Variants in SHISA6 observed in about 807,000 individuals in gnomAD.
SHISA6 encodes the protein protein shisa-6.
In SHISA6, 22 loss-of-function variants were observed where a neutral mutation model predicts 47.9. That is an observed-to-expected ratio of 0.46 (90% CI 0.33 to 0.66). The LOEUF (loss-of-function observed/expected upper bound fraction) is 0.66. Among genes scored for constraint, SHISA6 ranks in the 30% least tolerant of loss-of-function variants. SHISA6 has a pLI of 0.02. For missense variants in SHISA6, 680 were observed against 764.6 expected (o/e 0.89, Z 1.30); for synonymous variants, 388 against 337.8 (o/e 1.15, Z -1.63).
At chr17:11,462,174 C>G (rs1308497749) in intron 3 of SHISA6, among the ~76,000 whole-genome samples, 1 of 152,270 alleles carries the variant, frequency 6.6e-6, no homozygotes, top group Non-Finnish European at 1.5e-5. Flanking sequence ...CTTTCCCTCC[C>G]CCTCTTGCTT....
chr17:11,339,865 T>C (rs1053324448), intron 2 of SHISA6, among the ~76,000 whole-genome samples: 19 of 152,014 alleles, frequency 1.2e-4, no homozygotes, highest in Non-Finnish European at 2.6e-4. Context: ...GTGAAGGAAG[T>C]AGAGAAAGAC....
intron 2 of SHISA6, among the ~76,000 whole-genome samples, chr17:11,373,993 G>C (rs73299345): frequency 0.078 from 11,820 of 152,178 alleles, 992 homozygotes; most frequent in African/African-American, 0.2. Flanking sequence ...CTTTTCAAAG[G>C]AGTTGAACCG....
intron 1 of SHISA6, among the ~76,000 whole-genome samples, chr17:11,251,532 G>A (rs531203456): frequency 1.3e-5 from 2 of 152,028 alleles, no homozygotes; most frequent in African/African-American, 2.4e-5. Context: ...GAAAAGAGGC[G>A]ATTTGGGAGG....
chr17:11,446,303 G>A (rs1915234267), intron 3 of SHISA6, among the ~76,000 whole-genome samples: 1 of 152,134 alleles, frequency 6.6e-6, no homozygotes, highest in South Asian at 2.1e-4. Flanking sequence ...CTCTACATGT[G>A]ATCAAAATGC....
intron 2 of SHISA6, among the ~76,000 whole-genome samples, chr17:11,300,659 T>C (rs1297190983): frequency 6.6e-6 from 1 of 151,832 alleles, no homozygotes; most frequent in Non-Finnish European, 1.5e-5. Context: ...TAGGACTTTT[T>C]TTTCTTTTTC....
chr17:11,401,578 A>T (rs1227915057), intron 3 of SHISA6, among the ~76,000 whole-genome samples: 1 of 152,226 alleles, frequency 6.6e-6, no homozygotes, highest in Non-Finnish European at 1.5e-5. Context: ...TCTTAGACCC[A>T]ACTTCATGTA....
intron 3 of SHISA6, among the ~76,000 whole-genome samples, chr17:11,466,213 C>T (rs1173471928): frequency 2.0e-5 from 3 of 152,142 alleles, no homozygotes; most frequent in Non-Finnish European, 2.9e-5. Context: ...ATGCAAATAT[C>T]CACAGAATAA....
intron 3 of SHISA6, among the ~76,000 whole-genome samples, chr17:11,485,916 G>A (rs977536655): frequency 2.0e-5 from 3 of 152,012 alleles, no homozygotes; most frequent in East Asian, 1.9e-4. Context: ...TCTGTCTTGC[G>A]ACCATTATGG....
chr17:11,458,586 T>C (rs899160686), intron 3 of SHISA6, among the ~76,000 whole-genome samples: 1 of 152,082 alleles, frequency 6.6e-6, no homozygotes, highest in Non-Finnish European at 1.5e-5. Flanking sequence ...ATGCAGACAA[T>C]TGATGGCCAG....
intron 3 of SHISA6, among the ~76,000 whole-genome samples, chr17:11,432,936 G>C (rs1007749730): frequency 6.6e-6 from 1 of 152,166 alleles, no homozygotes; most frequent in African/African-American, 2.4e-5. Flanking sequence ...GATGGGTACA[G>C]AGTTTCTTTG....
chr17:11,502,065 C>G (rs527969651), intron 3 of SHISA6, among the ~76,000 whole-genome samples: 3 of 152,162 alleles, frequency 2.0e-5, no homozygotes, highest in Non-Finnish European at 4.4e-5. Flanking sequence ...GAAACTCATA[C>G]CCACAGAAAT....
chr17:11,393,862 T>G (rs977223241), intron 3 of SHISA6, among the ~76,000 whole-genome samples: 4 of 152,224 alleles, frequency 2.6e-5, no homozygotes, highest in Non-Finnish European at 5.9e-5. Flanking sequence ...TCTTTTCTGC[T>G]CTTCCCTTTT....
chr17:11,361,887 C>CGTA (rs1301099910), intron 2 of SHISA6, among the ~76,000 whole-genome samples: 2 of 152,028 alleles, frequency 1.3e-5, no homozygotes, highest in Non-Finnish European at 2.9e-5. Flanking sequence ...TCTATCGGTA[C>CGTA]CATAAAGCAC....
intron 3 of SHISA6, among the ~76,000 whole-genome samples, chr17:11,421,456 C>T (rs959355160): frequency 6.6e-6 from 1 of 152,180 alleles, no homozygotes; most frequent in African/African-American, 2.4e-5. Flanking sequence ...CAAGGGCTTA[C>T]AGCTCATACC....
At chr17:11,420,263 C>T (rs560856528) in intron 3 of SHISA6, among the ~76,000 whole-genome samples, 86 of 152,216 alleles carry the variant, frequency 5.6e-4, no homozygotes, top group Admixed American at 2.7e-3. Context: ...CCTGCCCCCG[C>T]GGGACTGGTT....
chr17:11,278,689 G>T (rs993706462), intron 2 of SHISA6, among the ~76,000 whole-genome samples: 2 of 152,234 alleles, frequency 1.3e-5, no homozygotes, highest in African/African-American at 4.8e-5. Context: ...CTGGGCGAAG[G>T]CCACATTTAT....
intron 3 of SHISA6, among the ~76,000 whole-genome samples, chr17:11,548,997 G>C (rs2071906643): frequency 6.6e-6 from 1 of 152,126 alleles, no homozygotes; most frequent in South Asian, 2.1e-4. Context: ...AAGCATTTAG[G>C]TGGTTTCATC....
At chr17:11,557,690 C>T (rs2071994476) in intron 5 of SHISA6, 64 bp from the exon 6 acceptor site, 2 of 1,450,858 alleles carry the variant, frequency 1.4e-6, no homozygotes, top group Non-Finnish European at 1.8e-6. Flanking sequence ...GGGCAGGGTT[C>T]TATCTGAGTC....
At chr17:11,511,734 A>C (rs556719292) in intron 3 of SHISA6, among the ~76,000 whole-genome samples, 36 of 152,386 alleles carry the variant, frequency 2.4e-4, no homozygotes, top group Non-Finnish European at 4.3e-4. Flanking sequence ...ATTGCAAATC[A>C]GTAAACCCAC....
Sources: allele counts gnomAD v4.1 joint callset (sites outside exome capture counted in the v4.1 genomes callset), GRCh38; gene constraint gnomAD v4.1.1; transcripts MANE v1.5; gene names NCBI Gene and HGNC (gene_info 2026-07-23, HGNC 2026-07-21).